Variants in KCND2 observed in about 807,000 individuals in gnomAD.
The protein encoded by KCND2 is potassium voltage-gated channel subfamily D member 2, also known as A-type voltage-gated potassium channel KCND2.
In KCND2, 16 loss-of-function variants were observed where a neutral mutation model predicts 54.4. That is an observed-to-expected ratio of 0.29 (90% CI 0.20 to 0.45). The LOEUF (loss-of-function observed/expected upper bound fraction) is 0.45, where lower values mean the gene tolerates loss of function less well. Ranked by LOEUF, KCND2 falls within the 20% of genes least tolerant of loss-of-function variation. The pLI, the probability that KCND2 is intolerant of heterozygous loss-of-function variation, is 1.00. For synonymous variants in KCND2, 317 were observed against 310.7 expected, an observed-to-expected ratio of 1.02 and a Z score of -0.21; for missense variants, 486 against 824.2, an observed-to-expected ratio of 0.59 and a Z score of 5.02.
intron 1 of KCND2, among the ~76,000 whole-genome samples, chr7:120,426,253 A>G (rs1404278697): frequency 6.6e-6 from 1 of 152,160 alleles, no homozygotes; most frequent in East Asian, 1.9e-4. Context: ...TGACCTCCCA[A>G]AGATAGAAAA....
intron 1 of KCND2, among the ~76,000 whole-genome samples, chr7:120,474,235 A>C (rs1345510466): frequency 6.6e-6 from 1 of 152,174 alleles, no homozygotes; most frequent in Non-Finnish European, 1.5e-5. Context: ...ACCACATGGC[A>C]GCTCAAGCAT....
intron 1 of KCND2, among the ~76,000 whole-genome samples, chr7:120,396,960 C>T (rs181270138): frequency 1.1e-4 from 16 of 152,102 alleles, no homozygotes; most frequent in African/African-American, 2.9e-4. Flanking sequence ...GGAAGTCAAG[C>T]TATCTATTTT....
chr7:120,354,736 G>A (rs1214432192), intron 1 of KCND2, among the ~76,000 whole-genome samples: 1 of 151,988 alleles, frequency 6.6e-6, no homozygotes, highest in Non-Finnish European at 1.5e-5. Flanking sequence ...CTCCCACCTG[G>A]GTAACAGAGG....
intron 1 of KCND2, among the ~76,000 whole-genome samples, chr7:120,621,233 A>G (rs1437024033): frequency 2.2e-5 from 3 of 138,398 alleles, no homozygotes; most frequent in African/African-American, 8.4e-5. Flanking sequence ...AGATCACGCC[A>G]CTGCACTCCA....
At chr7:120,419,267 T>G (rs893517501) in intron 1 of KCND2, among the ~76,000 whole-genome samples, 1 of 152,136 alleles carries the variant, frequency 6.6e-6, no homozygotes, top group African/African-American at 2.4e-5. Context: ...CCTCCATTCC[T>G]CAAAGCTTCA....
At chr7:120,596,694 T>C (rs1792749981) in intron 1 of KCND2, among the ~76,000 whole-genome samples, 2 of 151,946 alleles carry the variant, frequency 1.3e-5, no homozygotes, top group African/African-American at 4.8e-5. Flanking sequence ...TAATAGTACC[T>C]GATAAATATT....
At chr7:120,345,154 A>G (rs1423982306) in intron 1 of KCND2, among the ~76,000 whole-genome samples, 1 of 152,196 alleles carries the variant, frequency 6.6e-6, no homozygotes, top group Admixed American at 6.5e-5. Flanking sequence ...TTATGCAGAC[A>G]TTCATAGAGA....
chr7:120,538,979 C>T (rs1338264120), intron 1 of KCND2, among the ~76,000 whole-genome samples: 1 of 152,036 alleles, frequency 6.6e-6, no homozygotes, highest in African/African-American at 2.4e-5. Context: ...TAGTCCTGCT[C>T]AATGCAAGGC....
chr7:120,486,039 T>C (rs1248055947), intron 1 of KCND2, among the ~76,000 whole-genome samples: 1 of 152,208 alleles, frequency 6.6e-6, no homozygotes, highest in African/African-American at 2.4e-5. Context: ...TAAATATATG[T>C]TATTTGATGG....
At chr7:120,423,252 A>G (rs1801653606) in intron 1 of KCND2, among the ~76,000 whole-genome samples, 1 of 152,116 alleles carries the variant, frequency 6.6e-6, no homozygotes, top group African/African-American at 2.4e-5. Context: ...TGTATTATGA[A>G]ATTTCCCTGA....
intron 1 of KCND2, among the ~76,000 whole-genome samples, chr7:120,447,481 A>G (rs115811536): frequency 1.9e-4 from 29 of 152,294 alleles, no homozygotes; most frequent in African/African-American, 6.3e-4. Flanking sequence ...CCATATTGTA[A>G]CTGAAAAGAA....
At chr7:120,339,328 A>G (rs1490518452) in intron 1 of KCND2, among the ~76,000 whole-genome samples, 2 of 152,214 alleles carry the variant, frequency 1.3e-5, no homozygotes, top group Non-Finnish European at 2.9e-5. Context: ...GCAATATGAA[A>G]AAAAACACAT....
chr7:120,589,363 A>C (rs1792641987), intron 1 of KCND2, among the ~76,000 whole-genome samples: 2 of 152,242 alleles, frequency 1.3e-5, no homozygotes, highest in Non-Finnish European at 2.9e-5. Context: ...TCTTACAAAA[A>C]ATACACATTT....
At chr7:120,386,500 A>G (rs1195574393) in intron 1 of KCND2, among the ~76,000 whole-genome samples, 1 of 152,150 alleles carries the variant, frequency 6.6e-6, no homozygotes. Flanking sequence ...AGGACCCAAC[A>G]ACAAAGAGTA....
intron 1 of KCND2, among the ~76,000 whole-genome samples, chr7:120,619,218 G>A (rs1006519150): frequency 6.6e-6 from 1 of 152,080 alleles, no homozygotes; most frequent in Non-Finnish European, 1.5e-5. Context: ...GATCACTTGT[G>A]CTTAAGTTAG....
intron 1 of KCND2, among the ~76,000 whole-genome samples, chr7:120,330,992 A>G (rs1419175851): frequency 6.6e-6 from 1 of 152,162 alleles, no homozygotes; most frequent in African/African-American, 2.4e-5. Context: ...ATAAAAGAAA[A>G]TGAAGTTGAA....
chr7:120,442,477 T>C (rs1801958369), intron 1 of KCND2, among the ~76,000 whole-genome samples: 2 of 151,492 alleles, frequency 1.3e-5, no homozygotes, highest in South Asian at 4.2e-4. Context: ...CAGAATTCTA[T>C]AAAATACAAA....
At chr7:120,541,578 C>T (rs1055027010) in intron 1 of KCND2, among the ~76,000 whole-genome samples, 1 of 152,048 alleles carries the variant, frequency 6.6e-6, no homozygotes, top group Non-Finnish European at 1.5e-5. Flanking sequence ...ATGCTCATGC[C>T]TGAGACTAGC....
At chr7:120,486,023 G>A (rs1004800380) in intron 1 of KCND2, among the ~76,000 whole-genome samples, 7 of 152,116 alleles carry the variant, frequency 4.6e-5, no homozygotes, top group Non-Finnish European at 7.4e-5. Context: ...GTGACAGGCT[G>A]ACTTTTAAAT....
Sources: allele counts gnomAD v4.1 joint callset (sites outside exome capture counted in the v4.1 genomes callset), GRCh38; gene constraint gnomAD v4.1.1; transcripts MANE v1.5; gene names NCBI Gene and HGNC (gene_info 2026-07-23, HGNC 2026-07-21).